C4orf51: variants seen among roughly 807,000 people sequenced by gnomAD.
C4orf51 encodes uncharacterized protein C4orf51.
Under a neutral mutation model 25.2 loss-of-function variants are expected in C4orf51, and 25 were observed. The observed-to-expected ratio is 0.99, with a 90% confidence interval of 0.72 to 1.39. The LOEUF (loss-of-function observed/expected upper bound fraction) is 1.39, where lower values mean the gene tolerates loss of function less well. Ranked by LOEUF, C4orf51 falls within the 40% of genes most tolerant of loss-of-function variation. The pLI is 0.00. For missense variants in C4orf51, 252 were observed against 239.6 expected (o/e 1.05, Z -0.34); for synonymous variants, 100 against 84.5 (o/e 1.18, Z -1.01).
In C4orf51 at chr4:145,696,569, A is replaced by G. The variant is rs1280402167; in HGVS notation, c.244A>G (p.Thr82Ala). 1 of 1,613,546 alleles carries G rather than the reference A, an allele frequency of 6.2e-7. No homozygotes were observed. The highest frequency in any genetic ancestry group is 1.1e-5 in the South Asian group (1 of 91,032). ...HEPECKQMSL[T>A]NSSACHLLCW... ...ACTTGCTTTCCTTAGGATGTCATTGACAAACAGTTCTGCCTGTCATCTTCT... is the reference window on the plus strand; with the variant it reads ...ACTTGCTTTCCTTAGGATGTCATTGGCAAACAGTTCTGCCTGTCATCTTCT... The change falls in exon 2 of 6, where the codon ACA (threonine) becomes GCA (alanine). Residue 82 changes from threonine (T) to alanine (A), a missense_variant. By Grantham distance (58) the Thr-to-Ala change is moderately conservative. Coordinates refer to ENST00000438731, the MANE Select transcript of C4orf51 (RefSeq NM_001080531.3).
chr4:145,760,847 T>G (rs1734380165), intron 1 of C4orf51: 62 of 1,208,144 alleles, frequency 5.1e-5, no homozygotes, highest in Non-Finnish European at 6.3e-5. Context: ...GAGGGGATGC[T>G]GGGAGGCGCA....
chr4:145,771,591 C>T (rs528762487), downstream of C4orf51, among the ~76,000 whole-genome samples: 4 of 152,268 alleles, frequency 2.6e-5, no homozygotes, highest in East Asian at 1.9e-4. Context: ...AGGGACAAGA[C>T]GCCAGACAGT....
chr4:145,781,540 A>T, the C4orf51 span, among the ~76,000 whole-genome samples: 1 of 152,254 alleles, frequency 6.6e-6, no homozygotes, highest in Non-Finnish European at 1.5e-5. Context: ...TTGTTAAAAC[A>T]TAGCACTTGG....
chr4:145,754,216 C>T (rs1008485330), exon 2 of C4orf51: 3 of 152,220 alleles, frequency 2.0e-5, no homozygotes, highest in African/African-American at 7.2e-5. Flanking sequence ...GCAACCAGCT[C>T]GGGTCAGATG....
chr4:145,694,709 G>T (rs1011998977), intron 1 of C4orf51, among the ~76,000 whole-genome samples: 4 of 146,248 alleles, frequency 2.7e-5, no homozygotes, highest in African/African-American at 7.6e-5. Context: ...GCCTCTGCCC[G>T]GCCGCCCCTA....
rs1343670449 is a variant in C4orf51, at chr4:145,761,375, C to T, written n.167-9613C>T. The T allele has an allele frequency of 1.6e-6, 2 of 1,289,912 alleles. No individual in the cohort carries two copies. The highest frequency in any genetic ancestry group is 1.5e-5 in the African/African-American group (1 of 65,978). 79.9% of individuals were successfully genotyped at this position (1,289,912 alleles called of 1,614,324 possible). On this transcript the variant is annotated intron_variant and non_coding_transcript_variant, in intron 1 of 1. Transcript: ENST00000510096. The surrounding 1 kb of genome is among the most constrained non-coding windows in gnomAD (Gnocchi z 6.8). ...TGGAAGGGCCGCTCCCCGGTGTGGA[C>T]GCGCACGTGCTCGATGAGCTTGTTG... is the stretch of plus-strand genomic sequence containing the variant.
chr4:145,725,027 T>C (rs1296041375), intron 2 of C4orf51, among the ~76,000 whole-genome samples: 2 of 151,256 alleles, frequency 1.3e-5, no homozygotes, highest in Non-Finnish European at 2.9e-5. Context: ...CTTTGTGGAC[T>C]CGGGGGAAAG....
In C4orf51 at chr4:145,765,607, C is replaced by T. The variant is rs1180434583; in HGVS notation, n.167-5381C>T. The stretch of plus-strand genomic sequence containing the variant: ...TGGCTCCCAGGCATGACAGAGATGA[C>T]CAGCAGATTGTTCCCGCCCTTGTTT... On this transcript the variant is annotated intron_variant and non_coding_transcript_variant, in intron 1 of 1. Coordinates refer to the C4orf51 transcript ENST00000510096. This position sits in a 1 kb window ranked among gnomAD's most constrained non-coding sequence, Gnocchi z 4.7. The T allele has an allele frequency of 6.2e-7, 1 of 1,614,070 alleles. No homozygotes were observed. The highest frequency in any genetic ancestry group is 8.5e-7 in the Non-Finnish European group (1 of 1,180,000).
chr4:145,681,397 G>A (rs6846625), intron 1 of C4orf51, among the ~76,000 whole-genome samples: 18,539 of 152,150 alleles, frequency 0.12, 1,826 homozygotes, highest in African/African-American at 0.27. Flanking sequence ...TGTCTCAGAA[G>A]TACTTCTCAA....
intron 1 of C4orf51, among the ~76,000 whole-genome samples, chr4:145,681,746 C>A (rs1024771684): frequency 6.6e-6 from 1 of 152,140 alleles, no homozygotes; most frequent in Admixed American, 6.5e-5. Flanking sequence ...GAGAGAGATA[C>A]CAGAAACTGA....
chr4:145,778,383 C>T, the C4orf51 span, among the ~76,000 whole-genome samples: 1 of 152,218 alleles, frequency 6.6e-6, no homozygotes, highest in Admixed American at 6.5e-5. Flanking sequence ...ATCCACCTGC[C>T]TTGGCCTCCC....
downstream of C4orf51, chr4:145,758,054 G>A (rs1374065969): frequency 6.6e-6 from 1 of 152,022 alleles, no homozygotes; most frequent in Non-Finnish European, 1.5e-5. Flanking sequence ...AAATTCAGGG[G>A]TACATATTTT....
the C4orf51 span, among the ~76,000 whole-genome samples, chr4:145,786,481 C>T: frequency 1.3e-5 from 2 of 152,326 alleles, 1 homozygote; most frequent in Non-Finnish European, 2.9e-5. Context: ...TCCATTGTGA[C>T]ATATGGTATT....
At chr4:145,771,080 C>T (rs1164604195), downstream of C4orf51, 1 of 152,158 alleles carries the variant, frequency 6.6e-6, no homozygotes, top group African/African-American at 2.4e-5. Flanking sequence ...CTGCTCATGT[C>T]CTCATATCCT....
Position 145,761,109 on chromosome 4 carries a change from G to C in C4orf51, n.167-9879G>C. The C allele has an allele frequency of 7.8e-7, 1 of 1,289,534 alleles. No individual in the cohort carries two copies. The highest frequency in any genetic ancestry group is 1.0e-6 in the Non-Finnish European group (1 of 988,694). The allele number at this position is 1,289,534 out of a possible 1,614,324, so 79.9% of individuals were successfully genotyped here. A position where few individuals can be genotyped will look rare whatever the true frequency, so the allele number is the denominator to read the frequency against. ...GAGACAGGAGATTCCGGGAGCTCCC[G>C]ACCACCAGGAGCGGGGCCCCCGGGC... is the stretch of plus-strand genomic sequence containing the variant. On this transcript the variant is annotated intron_variant and non_coding_transcript_variant, in intron 1 of 1. Coordinates refer to the C4orf51 transcript ENST00000510096. This position sits in a 1 kb window ranked among gnomAD's most constrained non-coding sequence, Gnocchi z 6.8.
intron 1 of C4orf51, among the ~76,000 whole-genome samples, chr4:145,740,101 A>G (rs377430110): frequency 6.5e-4 from 99 of 152,300 alleles, no homozygotes; most frequent in African/African-American, 2.2e-3. Flanking sequence ...CAAGGGAGTC[A>G]GGCATTTCTT....
the C4orf51 span, chr4:145,779,555 A>T: frequency 6.3e-7 from 1 of 1,596,792 alleles, no homozygotes; most frequent in African/African-American, 1.3e-5. Context: ...AGGCAACAAG[A>T]ATACATTTTC....
intron 1 of C4orf51, among the ~76,000 whole-genome samples, chr4:145,752,407 A>G (rs1298775512): frequency 6.6e-6 from 1 of 152,060 alleles, no homozygotes; most frequent in East Asian, 1.9e-4. Context: ...CAAGGCAGCA[A>G]TTTCTTTCTG....
intron 2 of C4orf51, among the ~76,000 whole-genome samples, chr4:145,710,361 A>T (rs1731063963): frequency 6.6e-6 from 1 of 152,196 alleles, no homozygotes; most frequent in Non-Finnish European, 1.5e-5. Flanking sequence ...GTGCAGCTTG[A>T]CATTTTGACT....
Sources: allele counts gnomAD v4.1 joint callset (sites outside exome capture counted in the v4.1 genomes callset), GRCh38; gene constraint gnomAD v4.1.1; non-coding constraint Gnocchi (gnomAD v3.1); transcripts MANE v1.5; gene names NCBI Gene and HGNC (gene_info 2026-07-23, HGNC 2026-07-21).